Variants in IRS1 observed in about 807,000 individuals in gnomAD.
IRS1 encodes insulin receptor substrate 1.
Under a neutral mutation model 65.6 loss-of-function variants are expected in IRS1, and 34 were observed. That is an observed-to-expected ratio of 0.52 (90% CI 0.39 to 0.69). The LOEUF is 0.69. Among genes scored for constraint, IRS1 ranks in the 30% least tolerant of loss-of-function variants. The probability of loss-of-function intolerance (pLI) is 0.00; values close to 1 mark genes in which losing one functional copy is unlikely to be tolerated. For synonymous variants in IRS1, 699 were observed against 683.5 expected (o/e 1.02, Z -0.35); for missense variants, 1,641 against 1,720.2 (o/e 0.95, Z 0.81).
At chr2:226,767,122 A>AT (rs1411811787) in intron 1 of IRS1, among the ~76,000 whole-genome samples, 20 of 152,210 alleles carry the variant, frequency 1.3e-4, no homozygotes, top group African/African-American at 4.3e-4. Flanking sequence ...AAAAGGCCTG[A>AT]TATGTAGGTG....
chr2:226,740,848 A>G (rs1268796555), intron 1 of IRS1, among the ~76,000 whole-genome samples: 1 of 152,192 alleles, frequency 6.6e-6, no homozygotes, highest in Non-Finnish European at 1.5e-5. Flanking sequence ...AAATGACCGT[A>G]GTGATGACCT....
At chr2:226,751,938 T>C (rs1395019782) in intron 1 of IRS1, among the ~76,000 whole-genome samples, 1 of 152,094 alleles carries the variant, frequency 6.6e-6, no homozygotes, top group Non-Finnish European at 1.5e-5. Context: ...AGGCCTGCAG[T>C]TATAAAAAGC....
chr2:226,775,730 C>G (rs2106174078), intron 1 of IRS1, among the ~76,000 whole-genome samples: 1 of 152,250 alleles, frequency 6.6e-6, no homozygotes, highest in East Asian at 1.9e-4. Context: ...CTACCAAAAT[C>G]CATGGATGCT....
rs577407654 is a variant in IRS1 at position 226,797,120 on chromosome 2, G to A, written c.1619C>T (p.Pro540Leu). ...AATGGAAGCCACTGAGGACTGGGAC[G>A]GGGTCTTCTGGTGGGTAATGGTAGG... ...TSPTITHQKTPSQSSVASIEE... is the reference protein window; with the variant it reads ...TSPTITHQKTLSQSSVASIEE... Residue 540 changes from proline to leucine, a missense_variant, in exon 1 of 2, where the codon CCG (proline) becomes CTG (leucine). This residue lies in a region of IRS1 where 1,324 missense variants were observed against 1,361.0 expected (regional missense o/e 0.97). Coordinates refer to ENST00000305123, the MANE Select transcript of IRS1 (RefSeq NM_005544.3). The surrounding 1 kb of genome is among the most constrained non-coding windows in gnomAD (Gnocchi z 8.1). 3.4e-5 allele frequency: 55 copies of A among 1,613,800 alleles called. 2 individuals carry two copies. The South Asian group carries it at 4.5e-4, about 13-fold the overall frequency.
chr2:226,776,274 C>T (rs971490234), intron 1 of IRS1, among the ~76,000 whole-genome samples: 14 of 151,782 alleles, frequency 9.2e-5, no homozygotes, highest in East Asian at 1.9e-4. Flanking sequence ...ATAAAATAAG[C>T]AGCCATGAGT....
rs909251200 is a variant in IRS1 at position 226,799,095 on chromosome 2, C to A, written c.-357G>T. 1 of 1,212,664 alleles carries A rather than the reference C, an allele frequency of 8.2e-7. No homozygotes were observed. The highest frequency in any genetic ancestry group is 1.6e-5 in the African/African-American group (1 of 62,714). The allele number at this position is 1,212,664 out of a possible 1,614,324, so 75.1% of individuals were successfully genotyped here. ...TCTCGTCGCCCCGGCTGGAGTCCGG[C>A]ACAGGGAGGCGACAGTCGGGGGTCC... is the stretch of plus-strand genomic sequence containing the variant. On this transcript the variant is annotated 5_prime_UTR_variant, in exon 1 of 2. Transcript: ENST00000305123. This position sits in a 1 kb window ranked among gnomAD's most constrained non-coding sequence, Gnocchi z 6.1.
intron 1 of IRS1, among the ~76,000 whole-genome samples, chr2:226,758,084 C>CA (rs936870760): frequency 1.3e-5 from 2 of 152,018 alleles, no homozygotes; most frequent in African/African-American, 2.4e-5. Context: ...GAGGCAGAGA[C>CA]AAAAAAATGG....
rs759707132 is a variant in IRS1, at chr2:226,795,220, C to T, written c.3519G>A (p.Leu1173=). Residue 1173 remains leucine, a synonymous_variant, in exon 1 of 2, where the codon TTG becomes TTA. Transcript: ENST00000305123. ...PAKLCGAAGG[L]ENGLNYIDLD... is the part of the protein sequence containing the mutation. ...GGTCTATGTAGTTAAGACCATTCTC[C>T]AAACCCCCAGCAGCCCCACACAGTT... is the stretch of plus-strand genomic sequence containing the variant. 3.7e-6 allele frequency: 6 copies of T among 1,613,978 alleles called. No individual in the cohort carries two copies. Among genetic ancestry groups the T allele is most frequent in the African/African-American group, 1.3e-5 (1 of 74,934 alleles).
rs942929290 is a variant in IRS1 at position 226,798,565 on chromosome 2, G to T, written c.174C>A (p.Ser58Arg). Residue 58 changes from serine to arginine, a missense_variant, in exon 1 of 2, where the codon AGC becomes AGA. By Grantham distance (110) the Ser-to-Arg change is moderately radical. This residue lies in a region of IRS1 where 240 missense variants were observed against 229.6 expected (regional missense o/e 1.05). Transcript: ENST00000305123. This position sits in a 1 kb window ranked among gnomAD's most constrained non-coding sequence, Gnocchi z 9.4. ...ENEKKWRHKS[S>R]APKRSIPLES... ...CAAGGGGGATCGAGCGTTTGGGGGC[G>T]CTCGACTTGTGCCGCCACTTCTTCT... is the stretch of plus-strand genomic sequence containing the variant. 1.9e-6 allele frequency: 3 copies of T among 1,613,776 alleles called. No homozygotes were observed. Among genetic ancestry groups the T allele is most frequent in the Non-Finnish European group, 2.5e-6 (3 of 1,180,028 alleles).
At position 226,736,232 on chromosome 2, in the gene IRS1, G is replaced by C. The variant is rs1005977909; in HGVS notation, c.*40C>G. The C allele has an allele frequency of 3.3e-5, 5 of 152,136 alleles. No individual in the cohort carries two copies. Among genetic ancestry groups the C allele is most frequent in the Non-Finnish European group, 5.9e-5 (4 of 68,020 alleles). 9.4% of individuals were successfully genotyped at this position (152,136 alleles called of 1,614,324 possible). ...CATGAGTTAGAAGAGGATTTGCTGA[G>C]GTCATTTAGGTCTTCATTCTGAAAA... On this transcript the variant is annotated 3_prime_UTR_variant, in exon 2 of 2. Transcript: ENST00000305123.
Position 226,799,699 on chromosome 2 carries a change from C to T in IRS1, c.-961G>A. ...CCTCCTCGGAGAGTTGCCGAGAGCC[C>T]CAACCAAAACAAGCGGCGGCGTCTG... On this transcript the variant is annotated 5_prime_UTR_variant, in exon 1 of 2. Coordinates refer to ENST00000305123, the MANE Select transcript of IRS1 (RefSeq NM_005544.3). The surrounding 1 kb of genome is among the most constrained non-coding windows in gnomAD (Gnocchi z 6.1). The T allele has an allele frequency of 3.0e-6, 3 of 1,000,046 alleles. No homozygotes were observed. In the South Asian group the frequency reaches 1.4e-4, roughly 47 times the overall value. 61.9% of individuals were successfully genotyped at this position (1,000,046 alleles called of 1,614,324 possible). A position where few individuals can be genotyped will look rare whatever the true frequency, so the allele number is the denominator to read the frequency against.
At chr2:226,770,169 A>T (rs1939136352) in intron 1 of IRS1, among the ~76,000 whole-genome samples, 3 of 152,238 alleles carry the variant, frequency 2.0e-5, no homozygotes, top group Admixed American at 2.0e-4. Context: ...CATATGAAAG[A>T]GAAAACTTCA....
In IRS1 at chr2:226,798,279, C is replaced by T. The variant is rs1243329079; in HGVS notation, c.460G>A (p.Val154Met). 9 of 1,613,110 alleles carry T rather than the reference C, an allele frequency of 5.6e-6. No individual in the cohort carries two copies. The highest frequency in any genetic ancestry group is 5.5e-5 in the South Asian group (5 of 91,084). The change falls in exon 1 of 2, where the codon GTG becomes ATG. Residue 154 changes from valine (V) to methionine (M), a missense_variant. Transcript: ENST00000305123. This position sits in a 1 kb window ranked among gnomAD's most constrained non-coding sequence, Gnocchi z 9.4. ...EAGEDLSYGDVPPGPAFKEVW... is the reference protein window; with the variant it reads ...EAGEDLSYGDMPPGPAFKEVW... ...TCTTTGAATGCGGGTCCTGGGGGCA[C>T]GTCACCGTAGCTCAAGTCCTCCCCA...
rs781558518 is a variant in IRS1, at chr2:226,797,820, T to G, written c.919A>C (p.Ser307Arg). Reference protein sequence around the residue: ...VGLTRRSRTESITATSPASMV... With the variant: ...VGLTRRSRTERITATSPASMV... Reference sequence around the variant, plus strand: ...CTGGCCGGGGAGGTGGCGGTGATGCTCTCAGTGCGTGATCGGCGGGTCAGC... The same window carrying G: ...CTGGCCGGGGAGGTGGCGGTGATGCGCTCAGTGCGTGATCGGCGGGTCAGC... Residue 307 changes from serine (S) to arginine (R), a missense_variant, in exon 1 of 2, where the codon AGC (serine) becomes CGC (arginine). Physicochemically the swap from Ser to Arg is moderately radical, Grantham distance 110 (BLOSUM62 -1). This residue lies in a region of IRS1 where 1,324 missense variants were observed against 1,361.0 expected (regional missense o/e 0.97). Coordinates refer to ENST00000305123, the MANE Select transcript of IRS1 (RefSeq NM_005544.3). The surrounding 1 kb of genome is among the most constrained non-coding windows in gnomAD (Gnocchi z 8.1). 1.9e-6 allele frequency: 3 copies of G among 1,604,608 alleles called. No homozygotes were observed. Among genetic ancestry groups the G allele is most frequent in the Admixed American group, 1.7e-5 (1 of 59,840 alleles).
chr2:226,768,772 GA>G (rs1234646002), intron 1 of IRS1, among the ~76,000 whole-genome samples: 1 of 152,120 alleles, frequency 6.6e-6, no homozygotes, highest in Admixed American at 6.5e-5. Context: ...GAGTAGCTGG[GA>G]CTATAGGCGC....
chr2:226,752,269 A>G (rs958072386), intron 1 of IRS1, among the ~76,000 whole-genome samples: 1 of 152,172 alleles, frequency 6.6e-6, no homozygotes, highest in Non-Finnish European at 1.5e-5. Context: ...AAAGACTAAA[A>G]AATAAAAAGA....
At chr2:226,785,327 G>A (rs1360663372) in intron 1 of IRS1, among the ~76,000 whole-genome samples, 5 of 152,186 alleles carry the variant, frequency 3.3e-5, no homozygotes, top group Admixed American at 1.3e-4. Context: ...TTCTGGCCAG[G>A]TGTGGTGGCT....
rs1938234202 is a variant in IRS1, at chr2:226,732,181, T to C, written c.*4091A>G. The C allele has an allele frequency of 6.6e-6, 1 of 152,126 alleles. No individual in the cohort carries two copies. Among genetic ancestry groups the C allele is most frequent in the African/African-American group, 2.4e-5 (1 of 41,410 alleles). 9.4% of individuals were successfully genotyped at this position (152,126 alleles called of 1,614,324 possible). ...TCCCTGCCCCTAATGTGATGCTCTG[T>C]TTACAAGTAGTGGGAGACACACAAC... On this transcript the variant is annotated 3_prime_UTR_variant, in exon 2 of 2. Transcript: ENST00000305123.
Position 226,799,223 on chromosome 2 carries a change from G to A in IRS1, c.-485C>T, listed in dbSNP as rs945265814. 1 of 1,119,068 alleles carries A rather than the reference G, an allele frequency of 8.9e-7. No individual in the cohort carries two copies. The allele number at this position is 1,119,068 out of a possible 1,614,324, so 69.3% of individuals were successfully genotyped here. On this transcript the variant is annotated 5_prime_UTR_variant, in exon 1 of 2. Coordinates refer to ENST00000305123, the MANE Select transcript of IRS1 (RefSeq NM_005544.3). The surrounding 1 kb of genome is among the most constrained non-coding windows in gnomAD (Gnocchi z 6.1). ...GGCAAATTAAATATCCTTGGGCAGG[G>A]GGAGGCGGGTTGCCAAGTCCCAACG...
Sources: gnomAD v4.1 joint callset for allele counts (sites outside exome capture counted in the v4.1 genomes callset) on GRCh38, gnomAD v4.1.1 for gene constraint, gnomAD v4.1.1 regional missense constraint, Gnocchi (gnomAD v3.1) non-coding constraint, MANE v1.5 for transcripts, NCBI Gene and HGNC (gene_info 2026-07-23, HGNC 2026-07-21) for gene names.